Variants in TAFA5 observed in about 807,000 individuals in gnomAD.
TAFA5 encodes TAFA chemokine like family member 5.
In TAFA5, 6 loss-of-function variants were observed where a neutral mutation model predicts 15.3. The ratio of observed to expected loss-of-function variants is 0.39; its 90% CI spans 0.21 to 0.77. TAFA5 has a LOEUF of 0.77. Among genes scored for constraint, TAFA5 ranks in the 30% least tolerant of loss-of-function variants. The pLI is 0.41. For synonymous variants in TAFA5, 103 were observed against 80.7 expected, an observed-to-expected ratio of 1.28 and a Z score of -1.48; for missense variants, 161 against 193.1, an observed-to-expected ratio of 0.83 and a Z score of 0.98.
chr22:48,609,256 GAAATCA>G (rs1925309838), intron 1 of TAFA5, among the ~76,000 whole-genome samples: 1 of 152,194 alleles, frequency 6.6e-6, no homozygotes, highest in African/African-American at 2.4e-5. Flanking sequence ...TGTGTTTTCA[GAAATCA>G]AAGACACGTT....
intron 2 of TAFA5, among the ~76,000 whole-genome samples, chr22:48,661,620 G>A (rs1449401306): frequency 6.6e-6 from 1 of 152,360 alleles, no homozygotes; most frequent in East Asian, 1.9e-4. Context: ...GCAGGGAACA[G>A]AGAGGGGGCA....
chr22:48,493,711 G>A (rs1294157703), intron 1 of TAFA5, among the ~76,000 whole-genome samples: 1 of 152,180 alleles, frequency 6.6e-6, no homozygotes, highest in Non-Finnish European at 1.5e-5. Context: ...CTGTCTCTGG[G>A]ATTTCTTTTA....
At chr22:48,641,954 C>T (rs1371215018) in intron 1 of TAFA5, among the ~76,000 whole-genome samples, 1 of 152,190 alleles carries the variant, frequency 6.6e-6, no homozygotes, top group Non-Finnish European at 1.5e-5. Flanking sequence ...AACACCATCC[C>T]CTATCTCCAA....
At chr22:48,551,958 A>G (rs1214787617) in intron 1 of TAFA5, among the ~76,000 whole-genome samples, 6 of 152,138 alleles carry the variant, frequency 3.9e-5, no homozygotes, top group Non-Finnish European at 8.8e-5. Flanking sequence ...GCCCTGTGGA[A>G]AACTGATTGA....
At chr22:48,631,689 G>T (rs1274569749) in intron 1 of TAFA5, among the ~76,000 whole-genome samples, 5 of 152,208 alleles carry the variant, frequency 3.3e-5, no homozygotes, top group African/African-American at 1.2e-4. Context: ...AGTTGCTCTT[G>T]CCCGACCACA....
At chr22:48,620,594 C>T (rs910299594) in intron 1 of TAFA5, among the ~76,000 whole-genome samples, 4 of 150,474 alleles carry the variant, frequency 2.7e-5, no homozygotes, top group African/African-American at 4.9e-5. Context: ...CGTCCACCCA[C>T]CCCCCTACCC....
At position 48,737,584 on chromosome 22, in the gene TAFA5, CAG is replaced by C. The variant is rs376826684; in HGVS notation, c.391-12252_391-12251del. On this transcript the variant is annotated intron_variant, in intron 3 of 3. Coordinates refer to ENST00000402357, the MANE Select transcript of TAFA5 (RefSeq NM_001082967.3). The stretch of plus-strand genomic sequence containing the variant: ...TGCTGGGTGAGCCTGGGCACAGGGA[CAG>C]AGCTTCAGAGCTGCACCATGGCACA... Among the ~76,000 whole-genome samples the C allele has an allele frequency of 2.4e-3, 371 of 152,284 alleles. 1 individual carries two copies. Among genetic ancestry groups the C allele is most frequent in the Non-Finnish European group, 3.8e-3 (259 of 68,016 alleles).
At chr22:48,604,528 G>C (rs1279402146) in intron 1 of TAFA5, among the ~76,000 whole-genome samples, 1 of 152,236 alleles carries the variant, frequency 6.6e-6, no homozygotes, top group Non-Finnish European at 1.5e-5. Context: ...TGGTGCTACA[G>C]GGAGTGCTCA....
In TAFA5 at chr22:48,541,508, C is replaced by A. The variant is rs143909614; in HGVS notation, c.112+51804C>A. Among the ~76,000 whole-genome samples the A allele has an allele frequency of 7.9e-5, 12 of 152,302 alleles. No homozygotes were observed. In the East Asian group the frequency reaches 2.3e-3, roughly 29 times the overall value. On this transcript the variant is annotated intron_variant, in intron 1 of 3. Transcript: ENST00000402357. ...TCAGGGAAGACAACTCACAGTTCAGCCTCGGCCGGCTGCTGTTTTCCTTGT... is the reference window on the plus strand; with the variant it reads ...TCAGGGAAGACAACTCACAGTTCAGACTCGGCCGGCTGCTGTTTTCCTTGT...
chr22:48,709,006 T>G (rs6010486), intron 3 of TAFA5, among the ~76,000 whole-genome samples: 37 of 152,302 alleles, frequency 2.4e-4, no homozygotes, highest in African/African-American at 8.2e-4. Context: ...GGTCGTCTTC[T>G]GAGAGTCGCA....
At chr22:48,741,179 C>A (rs1432718205) in intron 3 of TAFA5, among the ~76,000 whole-genome samples, 5 of 152,154 alleles carry the variant, frequency 3.3e-5, no homozygotes, top group Admixed American at 6.5e-5. Context: ...TCCACCCCAG[C>A]CCCTTGGTGA....
At chr22:48,679,166 G>C (rs149772058) in intron 2 of TAFA5, among the ~76,000 whole-genome samples, 1 of 3,044 alleles carries the variant, frequency 3.3e-4, no homozygotes, top group African/African-American at 2.4e-3. Flanking sequence ...TCCCGGCTCG[G>C]CGTCCATCCC....
At chr22:48,718,709 A>G (rs999953655) in intron 3 of TAFA5, among the ~76,000 whole-genome samples, 1 of 152,160 alleles carries the variant, frequency 6.6e-6, no homozygotes. Flanking sequence ...GAATTCACGC[A>G]GCCCTTTCGG....
intron 1 of TAFA5, among the ~76,000 whole-genome samples, chr22:48,630,054 G>A (rs938560199): frequency 2.0e-5 from 3 of 152,220 alleles, no homozygotes; most frequent in African/African-American, 2.4e-5. Flanking sequence ...CAGCCTGGGA[G>A]GAACTGACCT....
chr22:48,627,790 C>A (rs1041947117), intron 1 of TAFA5, among the ~76,000 whole-genome samples: 6 of 152,244 alleles, frequency 3.9e-5, no homozygotes, highest in Non-Finnish European at 7.3e-5. Flanking sequence ...GCCTCAGGGC[C>A]ATGGCCAGGA....
chr22:48,667,606 A>G (rs1254436147), intron 2 of TAFA5, among the ~76,000 whole-genome samples: 1 of 152,148 alleles, frequency 6.6e-6, no homozygotes, highest in African/African-American at 2.4e-5. Context: ...GAGACTCCGC[A>G]CTGCGTTATA....
intron 2 of TAFA5, among the ~76,000 whole-genome samples, chr22:48,691,799 C>T (rs1044325450): frequency 4.6e-5 from 7 of 152,324 alleles, no homozygotes; most frequent in Middle Eastern, 3.4e-3. Context: ...CGTTGAGTCT[C>T]GTGGGATGGC....
intron 3 of TAFA5, among the ~76,000 whole-genome samples, chr22:48,709,368 G>C (rs1290254969): frequency 6.6e-6 from 1 of 151,458 alleles, no homozygotes; most frequent in African/African-American, 2.4e-5. Flanking sequence ...ACTGCTACCT[G>C]TCTGCAGAGG....
At chr22:48,586,028 G>A (rs1298892731) in intron 1 of TAFA5, among the ~76,000 whole-genome samples, 1 of 152,240 alleles carries the variant, frequency 6.6e-6, no homozygotes, top group African/African-American at 2.4e-5. Context: ...GTGGACCCCA[G>A]CTTCGGCCTC....
Sources: gnomAD v4.1 joint callset for allele counts (sites outside exome capture counted in the v4.1 genomes callset) on GRCh38, gnomAD v4.1.1 for gene constraint, MANE v1.5 for transcripts, NCBI Gene and HGNC (gene_info 2026-07-23, HGNC 2026-07-21) for gene names.